LYST: variants seen among roughly 807,000 people sequenced by gnomAD.
LYST encodes lysosomal-trafficking regulator.
LYST carries 192 observed loss-of-function variants against 413.6 expected under a neutral mutation model. The observed-to-expected ratio is 0.46, with a 90% CI of 0.41 to 0.52. LYST has a LOEUF of 0.52. Among genes scored for constraint, LYST ranks in the 20% least tolerant of loss-of-function variants. The probability of loss-of-function intolerance (pLI) is 0.00; values close to 1 mark genes in which losing one functional copy is unlikely to be tolerated. For synonymous variants in LYST, 1,525 were observed against 1,567.3 expected (o/e 0.97, Z 0.64); for missense variants, 3,815 against 4,499.9 (o/e 0.85, Z 4.35).
chr1:235,757,280 C>G lies in LYST; in HGVS notation c.7059+1G>C. On this transcript the variant is annotated splice_donor_variant, in intron 24 of 52. Transcript: ENST00000389793. LOFTEE classifies it high-confidence loss of function. ...ATAACATATCTAGTATTTGCCCTTACTTTAATAACACCTTGTTGTATAGCT... is the reference window on the plus strand; with the variant it reads ...ATAACATATCTAGTATTTGCCCTTAGTTTAATAACACCTTGTTGTATAGCT... 1.2e-6 allele frequency: 2 copies of G among 1,609,420 alleles called. No homozygotes were observed. Among genetic ancestry groups the G allele is most frequent in the Non-Finnish European group, 1.7e-6 (2 of 1,176,384 alleles).
chr1:235,755,430 A>AAAGAAAAGAAAAGAAAAGAAAAGAAAAG lies in LYST; in HGVS notation c.7229+47_7229+48insCTTTTCTTTTCTTTTCTTTTCTTTTCTT, dbSNP rs747183026. On this transcript the variant is annotated intron_variant, in intron 25 of 52. Transcript: ENST00000389793. ...AAAGAAAAGAAAAGAAAAGAAAAGAAAAAAGACAAAAGATTCCCAATTATA... is the reference window on the plus strand; with the variant it reads ...AAAGAAAAGAAAAGAAAAGAAAAGAAAAGAAAAGAAAAGAAAAGAAAAGAAAAGAAAAGACAAAAGATTCCCAATTATA... 6 of 1,277,006 alleles carry AAAGAAAAGAAAAGAAAAGAAAAGAAAAG rather than the reference A, an allele frequency of 4.7e-6. No homozygotes were observed. The African/African-American group carries it at 9.1e-5, about 19-fold the overall frequency. 79.1% of individuals were successfully genotyped at this position (1,277,006 alleles called of 1,614,324 possible). A position where few individuals can be genotyped will look rare whatever the true frequency, so the allele number is the denominator to read the frequency against.
At chr1:235,816,432 T>A (rs1357579772) in intron 3 of LYST, among the ~76,000 whole-genome samples, 3 of 125,456 alleles carry the variant, frequency 2.4e-5, no homozygotes, top group Admixed American at 8.4e-5. Flanking sequence ...AGAGAAAGAC[T>A]CCGTCAAAAA....
At chr1:235,764,499 T>C (rs546610100) in intron 21 of LYST, among the ~76,000 whole-genome samples, 15 of 140,138 alleles carry the variant, frequency 1.1e-4, no homozygotes, top group Admixed American at 2.1e-4. Context: ...TCTTTTCTTT[T>C]TTTTTTTTTT....
intron 50 of LYST, among the ~76,000 whole-genome samples, chr1:235,669,975 A>C (rs1658799574): frequency 6.6e-6 from 1 of 152,178 alleles, no homozygotes; most frequent in African/African-American, 2.4e-5. Context: ...CAAGGGTAGG[A>C]GCACTTCTGG....
chr1:235,683,385 C>T (rs1044442599), intron 48 of LYST, among the ~76,000 whole-genome samples: 2 of 152,206 alleles, frequency 1.3e-5, no homozygotes, highest in East Asian at 1.9e-4. Context: ...GATGTGGACA[C>T]GTTACTTACT....
chr1:235,780,115 A>T (rs1377078229), intron 16 of LYST, among the ~76,000 whole-genome samples: 1 of 152,116 alleles, frequency 6.6e-6, no homozygotes, highest in South Asian at 2.1e-4. Flanking sequence ...ATTAAATAAT[A>T]AGTTTTTTAG....
intron 7 of LYST, among the ~76,000 whole-genome samples, 188 bp downstream of exon 7, chr1:235,804,316 C>A (rs1474463086): frequency 6.6e-6 from 1 of 152,106 alleles, no homozygotes; most frequent in African/African-American, 2.4e-5. Flanking sequence ...ATGTATAAGA[C>A]AGGGCAATGA....
intron 40 of LYST, 42 bp from the exon 41 acceptor site, chr1:235,716,820 C>A: frequency 8.3e-7 from 1 of 1,204,556 alleles, no homozygotes; most frequent in Non-Finnish European, 1.2e-6. Flanking sequence ...TATTTTGATA[C>A]TGTCAAGATT....
In LYST at chr1:235,662,599, C is replaced by A; in HGVS notation, c.*341G>T. The stretch of plus-strand genomic sequence containing the variant: ...CCAACCAATTTAAATTCTACTGGTC[C>A]TTTTGGAATCATAGAAAAAGGGGAG... On this transcript the variant is annotated 3_prime_UTR_variant, in exon 53 of 53. Transcript: ENST00000389793. The A allele has an allele frequency of 3.0e-6, 1 of 334,926 alleles. No individual in the cohort carries two copies. Among genetic ancestry groups the A allele is most frequent in the Non-Finnish European group, 5.8e-6 (1 of 173,868 alleles). 20.7% of individuals were successfully genotyped at this position (334,926 alleles called of 1,614,324 possible).
At chr1:235,720,980 G>A (rs1663310025) in intron 39 of LYST, 75 bp from the exon 40 acceptor site, 1 of 1,388,732 alleles carries the variant, frequency 7.2e-7, no homozygotes, top group East Asian at 2.3e-5. Context: ...AAGAACCCAT[G>A]ACATTATAGA....
In LYST at chr1:235,746,431, A is replaced by G; in HGVS notation, c.7877T>C (p.Met2626Thr). 6.2e-7 allele frequency: 1 copy of G among 1,613,944 alleles called. No individual in the cohort carries two copies. Among genetic ancestry groups the G allele is most frequent in the Non-Finnish European group, 8.5e-7 (1 of 1,179,900 alleles). Residue 2626 changes from methionine to threonine, a missense_variant, in exon 29 of 53, where the codon ATG becomes ACG. Physicochemically the swap from Met to Thr is moderately conservative, Grantham distance 81. Coordinates refer to ENST00000389793, the MANE Select transcript of LYST (RefSeq NM_000081.4). The part of the protein sequence containing the change: ...DELHVMMQRR[M>T]SQENPSQATE... ...TGCTTGGCTAGGGTTCTCTTGGCTC[A>G]TTCTCCGTTGCATCATCACATGAAG...
rs192099362 is a variant in LYST, at chr1:235,673,964, C to A, written c.11038+3127G>T. Among the ~76,000 whole-genome samples, 432 of 152,284 alleles carry A rather than the reference C, an allele frequency of 2.8e-3. 2 individuals are homozygous for A. The highest frequency in any genetic ancestry group is 9.9e-3 in the African/African-American group (410 of 41,558). ...CAACAGGCAGAGCAGAGACCCAAATCGTCCCCTTTCCACTTGGATGGTCCT... is the reference window on the plus strand; with the variant it reads ...CAACAGGCAGAGCAGAGACCCAAATAGTCCCCTTTCCACTTGGATGGTCCT... On this transcript the variant is annotated intron_variant, in intron 50 of 52. Coordinates refer to ENST00000389793, the MANE Select transcript of LYST (RefSeq NM_000081.4).
At chr1:235,879,188 G>T (rs1681264360) in intron 1 of LYST, among the ~76,000 whole-genome samples, 1 of 152,152 alleles carries the variant, frequency 6.6e-6, no homozygotes, top group Non-Finnish European at 1.5e-5. Flanking sequence ...ACACATTGAA[G>T]ACAACTATGA....
At chr1:235,759,713 A>G in intron 22 of LYST, 114 bp from the exon 23 acceptor site, 2 of 763,266 alleles carry the variant, frequency 2.6e-6, no homozygotes, top group South Asian at 1.5e-5. Context: ...CACTGTTAAA[A>G]TCCATATAGG....
intron 21 of LYST, among the ~76,000 whole-genome samples, chr1:235,763,923 C>T (rs1002044620): frequency 9.9e-5 from 15 of 152,182 alleles, no homozygotes. Context: ...CGCTCTCTCT[C>T]GAATGTCAAC....
At chr1:235,693,593 C>A in intron 46 of LYST, 107 bp from the exon 47 acceptor site, 1 of 1,236,094 alleles carries the variant, frequency 8.1e-7, no homozygotes, top group South Asian at 1.2e-5. Flanking sequence ...CAGAACATAT[C>A]ATTTGGTGCA....
chr1:235,798,028 A>G (rs1671748572), intron 10 of LYST, among the ~76,000 whole-genome samples: 1 of 152,190 alleles, frequency 6.6e-6, no homozygotes, highest in Non-Finnish European at 1.5e-5. Flanking sequence ...AAAGAGGTTC[A>G]ACATCACTAA....
chr1:235,796,940 T>A (rs547738259), intron 10 of LYST, among the ~76,000 whole-genome samples: 1 of 152,278 alleles, frequency 6.6e-6, no homozygotes, highest in Admixed American at 6.5e-5. Context: ...CCACTTCATA[T>A]CCACCAGGAT....
chr1:235,853,380 A>C (rs1447028641), intron 1 of LYST, among the ~76,000 whole-genome samples: 1 of 152,184 alleles, frequency 6.6e-6, no homozygotes, highest in Admixed American at 6.5e-5. Context: ...TATGGAAATA[A>C]ATGGTTGTGC....
Sources: allele counts gnomAD v4.1 joint callset (sites outside exome capture counted in the v4.1 genomes callset), GRCh38; gene constraint gnomAD v4.1.1; transcripts MANE v1.5; gene names NCBI Gene and HGNC (gene_info 2026-07-23, HGNC 2026-07-21).